The following LOXHD1 variants were observed in gnomAD, a reference collection of about 807,000 sequenced individuals.
The protein encoded by LOXHD1 is lipoxygenase homology domain-containing protein 1.
A neutral mutation model predicts 248.2 loss-of-function variants in LOXHD1; 205 were observed. The ratio of observed to expected loss-of-function variants is 0.83; its 90% confidence interval spans 0.74 to 0.93. LOXHD1 has a LOEUF of 0.93. Ranked by LOEUF, LOXHD1 falls within the 40% of genes least tolerant of loss-of-function variation. The probability of loss-of-function intolerance (pLI) is 0.00; values close to 1 mark genes in which losing one functional copy is unlikely to be tolerated. For synonymous variants in LOXHD1, 1,113 were observed against 1,162.8 expected (o/e 0.96, Z 0.87); for missense variants, 2,930 against 2,971.6 (o/e 0.99, Z 0.33).
intron 37 of LOXHD1, 71 bp downstream of exon 37, chr18:46,505,767 G>C: frequency 6.7e-7 from 1 of 1,492,826 alleles, no homozygotes; most frequent in Non-Finnish European, 9.1e-7. Flanking sequence ...GTGCTGCCAG[G>C]GAGGGAATAA....
intron 16 of LOXHD1, among the ~76,000 whole-genome samples, chr18:46,567,110 T>C (rs1290083631): frequency 6.6e-6 from 1 of 152,280 alleles, no homozygotes; most frequent in Non-Finnish European, 1.5e-5. Context: ...CAGATGATCA[T>C]ATCACCATCC....
At chr18:46,561,833 TAGC>T (rs1385655842) in intron 18 of LOXHD1, among the ~76,000 whole-genome samples, 1 of 152,162 alleles carries the variant, frequency 6.6e-6, no homozygotes, top group Non-Finnish European at 1.5e-5. Flanking sequence ...TTCACGGCAT[TAGC>T]TCTCCTCTTC....
At chr18:46,483,464 C>G in intron 40 of LOXHD1, 123 bp downstream of exon 40, 1 of 1,203,574 alleles carries the variant, frequency 8.3e-7, no homozygotes, top group Non-Finnish European at 1.2e-6. Context: ...GCCTCCTGAA[C>G]AGGGTAATCT....
chr18:46,494,682 C>T (rs1302910138), intron 37 of LOXHD1, among the ~76,000 whole-genome samples: 1 of 152,130 alleles, frequency 6.6e-6, no homozygotes, highest in East Asian at 1.9e-4. Flanking sequence ...ATCCCCATGC[C>T]TCAGTATCCT....
chr18:46,642,127 A>G, intron 2 of LOXHD1, 91 bp from the exon 3 acceptor site: 3 of 1,111,122 alleles, frequency 2.7e-6, no homozygotes, highest in Middle Eastern at 2.0e-4. Context: ...TTCTTCCTCC[A>G]TCATCCCACT....
intron 1 of LOXHD1, among the ~76,000 whole-genome samples, chr18:46,652,767 C>A (rs1013033422): frequency 1.3e-5 from 2 of 152,104 alleles, no homozygotes; most frequent in South Asian, 4.1e-4. Flanking sequence ...AAAACAAAAC[C>A]CCAGAAATAA....
At chr18:46,565,515 TCAGAG>T (rs1300710959) in intron 17 of LOXHD1, among the ~76,000 whole-genome samples, 2 of 152,180 alleles carry the variant, frequency 1.3e-5, no homozygotes, top group Non-Finnish European at 2.9e-5. Context: ...TCCACAAAGC[TCAGAG>T]CAGTGCTGGC....
chr18:46,607,338 CATGTACATATACATACATATATACATAT>C (rs1359445985), intron 6 of LOXHD1, among the ~76,000 whole-genome samples: 1 of 149,378 alleles, frequency 6.7e-6, no homozygotes, highest in Non-Finnish European at 1.5e-5. Context: ...TGCATATATA[CATGTACATATACATACATATATACATAT>C]ATGTACATAT....
chr18:46,506,467 C>T (rs1303487619), intron 36 of LOXHD1, among the ~76,000 whole-genome samples: 2 of 152,234 alleles, frequency 1.3e-5, no homozygotes, highest in Non-Finnish European at 2.9e-5. Flanking sequence ...ATATCATTTG[C>T]TTAAGCCAAA....
At chr18:46,533,129 C>T (rs1345091900) in intron 28 of LOXHD1, 33 bp downstream of exon 28, 1 of 1,550,376 alleles carries the variant, frequency 6.5e-7, no homozygotes, top group Non-Finnish European at 8.7e-7. Context: ...TGGAGCCTTC[C>T]CATGGTGATG....
rs184178563 is a variant in LOXHD1, at chr18:46,611,916, G to A, written c.611-992C>T. ...TGCATATATATGTATCTATAAAGAC[G>A]GCTCCTGAAGTGTGATAGTCACTAT... On this transcript the variant is annotated intron_variant, in intron 5 of 40. Transcript: ENST00000642948. 6.7e-4 allele frequency among the ~76,000 whole-genome samples: 102 copies of A among 152,172 alleles called. 4 individuals are homozygous for A. In the East Asian group the frequency reaches 0.016, roughly 24 times the overall value.
At chr18:46,592,422 T>C in intron 11 of LOXHD1, 76 bp downstream of exon 11, 2 of 1,231,590 alleles carry the variant, frequency 1.6e-6, no homozygotes, top group Non-Finnish European at 2.3e-6. Flanking sequence ...CAAATTTATG[T>C]GACAGGGTCA....
At chr18:46,507,400 CTG>C (rs1264486673) in intron 36 of LOXHD1, 136 bp downstream of exon 36, 1 of 893,786 alleles carries the variant, frequency 1.1e-6, no homozygotes, top group African/African-American at 1.7e-5. Context: ...AAGCGACACA[CTG>C]TGGAGAAAAC....
At position 46,477,781 on chromosome 18, in the gene LOXHD1, A is replaced by C. The variant is rs1445056081; in HGVS notation, c.6513T>G (p.Asp2171Glu). The change falls in exon 41 of 41, where the codon GAT (aspartate) becomes GAG (glutamate). Residue 2171 changes from aspartate to glutamate, a missense_variant. By Grantham distance (45) the Asp-to-Glu change is conservative (BLOSUM62 2). Coordinates refer to ENST00000642948, the MANE Select transcript of LOXHD1 (RefSeq NM_001384474.1). Reference sequence around the variant, plus strand: ...CAAAGATGGTCACGAAGACGTTGGCATCAGTGCCTGCCCCTGGCTCATAGC... The same window carrying C: ...CAAAGATGGTCACGAAGACGTTGGCCTCAGTGCCTGCCCCTGGCTCATAGC... Reference protein sequence around the residue: ...TTGYEPGAGTDANVFVTIFGA... With the variant: ...TTGYEPGAGTEANVFVTIFGA... 3 of 1,551,744 alleles carry C rather than the reference A, an allele frequency of 1.9e-6. No individual in the cohort carries two copies. The highest frequency in any genetic ancestry group is 1.7e-6 in the Non-Finnish European group (2 of 1,147,048).
intron 40 of LOXHD1, among the ~76,000 whole-genome samples, chr18:46,483,158 GTCTCTGGTCCCTAC>G (rs1188783949): frequency 6.6e-6 from 1 of 152,176 alleles, no homozygotes; most frequent in Non-Finnish European, 1.5e-5. Flanking sequence ...ACCCTAGCTT[GTCTCTGGTCCCTAC>G]TCTGCCCACA....
intron 38 of LOXHD1, among the ~76,000 whole-genome samples, chr18:46,486,897 T>C (rs1177735410): frequency 6.6e-6 from 1 of 152,212 alleles, no homozygotes; most frequent in Non-Finnish European, 1.5e-5. Flanking sequence ...ACATCTGTGG[T>C]CTTTTGAGAG....
At chr18:46,655,956 G>A (rs553824706) in intron 1 of LOXHD1, among the ~76,000 whole-genome samples, 1 of 152,358 alleles carries the variant, frequency 6.6e-6, no homozygotes, top group East Asian at 1.9e-4. Context: ...GTGAGGACAG[G>A]AAGAGGGAGA....
intron 31 of LOXHD1, among the ~76,000 whole-genome samples, chr18:46,524,034 A>G (rs930156141): frequency 6.6e-6 from 1 of 152,228 alleles, no homozygotes; most frequent in African/African-American, 2.4e-5. Flanking sequence ...TTATGGAGGA[A>G]GAAAAAACTG....
chr18:46,486,842 G>C (rs571202912), intron 38 of LOXHD1, among the ~76,000 whole-genome samples: 1 of 152,302 alleles, frequency 6.6e-6, no homozygotes, highest in East Asian at 1.9e-4. Context: ...AGCAAGGTTT[G>C]TAAGCAAGGA....
Sources: allele counts gnomAD v4.1 joint callset (sites outside exome capture counted in the v4.1 genomes callset), GRCh38; gene constraint gnomAD v4.1.1; transcripts MANE v1.5; gene names NCBI Gene and HGNC (gene_info 2026-07-23, HGNC 2026-07-21).